Variants in CIB4 observed in about 807,000 individuals in gnomAD.
CIB4 encodes calcium and integrin-binding family member 4.
CIB4 carries 25 observed loss-of-function variants against 25.8 expected under a neutral mutation model. That is an observed-to-expected ratio of 0.97 (90% CI 0.71 to 1.35). The LOEUF is 1.35. Ranked by LOEUF, CIB4 falls within the 40% of genes most tolerant of loss-of-function variation. The pLI is 0.00. For synonymous variants in CIB4, 75 were observed against 81.4 expected, an observed-to-expected ratio of 0.92 and a Z score of 0.42; for missense variants, 235 against 228.2, an observed-to-expected ratio of 1.03 and a Z score of -0.19.
chr2:26,622,113 C>T (rs183156718), intron 3 of CIB4, among the ~76,000 whole-genome samples: 1 of 152,290 alleles, frequency 6.6e-6, no homozygotes, highest in Non-Finnish European at 1.5e-5. Flanking sequence ...GTAATCCCAG[C>T]ATTTTGGGAG....
intron 4 of CIB4, among the ~76,000 whole-genome samples, chr2:26,586,964 G>T (rs1396011282): frequency 6.6e-6 from 1 of 152,112 alleles, no homozygotes; most frequent in Admixed American, 6.6e-5. Flanking sequence ...CAAGACAGGA[G>T]GACCTGGGAT....
At position 26,608,508 on chromosome 2, in the gene CIB4, G is replaced by A. The variant is rs562750463; in HGVS notation, c.187-13191C>T. On this transcript the variant is annotated intron_variant, in intron 3 of 6. Coordinates refer to ENST00000288861, the MANE Select transcript of CIB4 (RefSeq NM_001029881.3). Reference sequence around the variant, plus strand: ...CTGAATAAGCTGCCTGGGTTTCTCCGTGGACAATCCTTAGACTACATCCAC... The same window carrying A: ...CTGAATAAGCTGCCTGGGTTTCTCCATGGACAATCCTTAGACTACATCCAC... 3.3e-5 allele frequency among the ~76,000 whole-genome samples: 5 copies of A among 152,270 alleles called. No individual in the cohort carries two copies. The South Asian group carries it at 6.2e-4, about 19-fold the overall frequency.
intron 4 of CIB4, among the ~76,000 whole-genome samples, chr2:26,585,477 C>A (rs1460247213): frequency 6.6e-6 from 1 of 152,072 alleles, no homozygotes; most frequent in Non-Finnish European, 1.5e-5. Flanking sequence ...TCCCCTAGAG[C>A]TCCCAGCAGT....
chr2:26,629,918 T>C (rs73920313), intron 2 of CIB4, among the ~76,000 whole-genome samples: 13,612 of 152,214 alleles, frequency 0.089, 828 homozygotes, highest in Admixed American at 0.22. Context: ...TCCCCACCTC[T>C]GGCCATCTGC....
At chr2:26,613,298 G>A (rs1404436655) in intron 3 of CIB4, among the ~76,000 whole-genome samples, 2 of 152,082 alleles carry the variant, frequency 1.3e-5, no homozygotes, top group East Asian at 3.9e-4. Context: ...GTACCCTTGG[G>A]GCCAAATCTA....
rs139239345 is a variant in CIB4, at chr2:26,589,924, G to A, written c.328+5252C>T. Among the ~76,000 whole-genome samples the A allele has an allele frequency of 4.3e-3, 649 of 152,226 alleles. 3 individuals are homozygous for A. Among genetic ancestry groups the A allele is most frequent in the Non-Finnish European group, 7.4e-3 (500 of 68,024 alleles). On this transcript the variant is annotated intron_variant, in intron 4 of 6. Coordinates refer to ENST00000288861, the MANE Select transcript of CIB4 (RefSeq NM_001029881.3). ...CCTGAAATGAAGATGAGATGTCTTT[G>A]GGCACAGAAGCCATGTTGTGACTAT...
At chr2:26,605,494 G>A in intron 3 of CIB4, 1 of 470,984 alleles carries the variant, frequency 2.1e-6, no homozygotes, top group Non-Finnish European at 4.4e-6. Flanking sequence ...TGAAGTTGCT[G>A]GACTCACCTG....
At chr2:26,586,242 C>T (rs1281724359) in intron 4 of CIB4, among the ~76,000 whole-genome samples, 2 of 152,176 alleles carry the variant, frequency 1.3e-5, no homozygotes, top group African/African-American at 4.8e-5. Flanking sequence ...AAGTCCTAAT[C>T]CCCAAGTCAG....
At chr2:26,590,214 A>G (rs1205679482) in intron 4 of CIB4, among the ~76,000 whole-genome samples, 1 of 146,574 alleles carries the variant, frequency 6.8e-6, no homozygotes, top group African/African-American at 2.5e-5. Flanking sequence ...GGACATACCC[A>G]ATACCATTCC....
At chr2:26,609,477 C>T (rs72857964) in intron 3 of CIB4, among the ~76,000 whole-genome samples, 3,609 of 152,170 alleles carry the variant, frequency 0.024, 123 homozygotes, top group African/African-American at 0.074. Flanking sequence ...GTGAAGAGGC[C>T]GAGAGTTTTG....
chr2:26,587,450 C>T (rs72817132), intron 4 of CIB4, among the ~76,000 whole-genome samples: 6,092 of 151,970 alleles, frequency 0.04, 153 homozygotes, highest in Non-Finnish European at 0.063. Context: ...TGTCTTTGGC[C>T]ACCAAATTTA....
Position 26,614,026 on chromosome 2 carries a change from CAGCAGCAGGCCCAGGGCCTGCAGAGGGT to C in CIB4, c.186+15356_186+15383del, listed in dbSNP as rs574099380. Among the ~76,000 whole-genome samples, 473 of 152,322 alleles carry C rather than the reference CAGCAGCAGGCCCAGGGCCTGCAGAGGGT, an allele frequency of 3.1e-3. 4 individuals carry two copies. The highest frequency in any genetic ancestry group is 0.011 in the African/African-American group (450 of 41,570). ...GCAGGGCGTCTCCTCCCTGTGGAGG[CAGCAGCAGGCCCAGGGCCTGCAGAGGGT>C]CAAAAACCCTGGGAACAGAGCCCCG... is the stretch of plus-strand genomic sequence containing the variant. On this transcript the variant is annotated intron_variant, in intron 3 of 6. Transcript: ENST00000288861.
intron 4 of CIB4, among the ~76,000 whole-genome samples, chr2:26,594,724 T>G (rs1413827150): frequency 6.6e-6 from 1 of 152,098 alleles, no homozygotes; most frequent in Non-Finnish European, 1.5e-5. Flanking sequence ...CCAAAAAATG[T>G]CAAAGTGCCT....
In CIB4 at chr2:26,610,216, T is replaced by C. The variant is rs74813306; in HGVS notation, c.187-14899A>G. Among the ~76,000 whole-genome samples, 127 of 149,470 alleles carry C rather than the reference T, an allele frequency of 8.5e-4. 1 individual carries two copies. Among genetic ancestry groups the C allele is most frequent in the African/African-American group, 3.0e-3 (122 of 41,138 alleles). On this transcript the variant is annotated intron_variant, in intron 3 of 6. Coordinates refer to ENST00000288861, the MANE Select transcript of CIB4 (RefSeq NM_001029881.3). ...TGGGAACCATGTTCCCTGTGAACTC[T>C]GCAGGCTGTAGATCTTTGCATCAAG...
chr2:26,603,206 G>A (rs974165677), intron 3 of CIB4, among the ~76,000 whole-genome samples: 5 of 152,100 alleles, frequency 3.3e-5, no homozygotes, highest in Non-Finnish European at 5.9e-5. Context: ...GGAAAAGCGA[G>A]ACTGAGAAAC....
chr2:26,601,899 C>A (rs1212850544), intron 3 of CIB4, among the ~76,000 whole-genome samples: 1 of 152,078 alleles, frequency 6.6e-6, no homozygotes, highest in Non-Finnish European at 1.5e-5. Context: ...ACACAAAGGG[C>A]TACATATTGT....
intron 3 of CIB4, among the ~76,000 whole-genome samples, chr2:26,614,335 G>A (rs978424483): frequency 6.6e-6 from 1 of 152,176 alleles, no homozygotes; most frequent in Non-Finnish European, 1.5e-5. Flanking sequence ...CCGAGGGACT[G>A]GATGAGCATG....
intron 2 of CIB4, among the ~76,000 whole-genome samples, 159 bp from the exon 3 acceptor site, chr2:26,629,665 T>C (rs1461588569): frequency 6.6e-6 from 1 of 152,006 alleles, no homozygotes. Flanking sequence ...AAGGCAGTAA[T>C]CAATAATAAT....
chr2:26,602,831 G>A (rs1026263567), intron 3 of CIB4, among the ~76,000 whole-genome samples: 2 of 152,114 alleles, frequency 1.3e-5, no homozygotes, highest in Non-Finnish European at 2.9e-5. Context: ...TGGCTGAGGC[G>A]GGAGGCTCAC....
Sources: gnomAD v4.1 joint callset for allele counts (sites outside exome capture counted in the v4.1 genomes callset) on GRCh38, gnomAD v4.1.1 for gene constraint, MANE v1.5 for transcripts, NCBI Gene and HGNC (gene_info 2026-07-23, HGNC 2026-07-21) for gene names.